Variants in PRKAG2 observed in about 807,000 individuals in gnomAD.
PRKAG2 encodes the protein protein kinase AMP-activated non-catalytic subunit gamma 2, also known as 5'-AMP-activated protein kinase subunit gamma-2.
PRKAG2 carries 26 observed loss-of-function variants against 69.6 expected under a neutral mutation model. That is an observed-to-expected ratio of 0.37 (90% CI 0.27 to 0.52). The LOEUF (loss-of-function observed/expected upper bound fraction) is 0.52, where lower values mean the gene tolerates loss of function less well. Among genes scored for constraint, PRKAG2 ranks in the 20% least tolerant of loss-of-function variants. PRKAG2 has a pLI of 0.90. For synonymous variants in PRKAG2, 293 were observed against 285.0 expected, an observed-to-expected ratio of 1.03 and a Z score of -0.28; for missense variants, 557 against 740.0, an observed-to-expected ratio of 0.75 and a Z score of 2.87.
intron 5 of PRKAG2, among the ~76,000 whole-genome samples, chr7:151,604,796 T>A (rs1467462721): frequency 2.0e-5 from 3 of 152,200 alleles, no homozygotes. Context: ...CTCGGGCTCC[T>A]CCTGGCTGCG....
chr7:151,764,402 T>G (rs73485915), intron 3 of PRKAG2, among the ~76,000 whole-genome samples: 10,255 of 152,160 alleles, frequency 0.067, 1,042 homozygotes, highest in African/African-American at 0.22. Flanking sequence ...GCTTTTTCAT[T>G]TTGCTATTTG....
At chr7:151,841,784 G>A (rs2079297845) in intron 1 of PRKAG2, among the ~76,000 whole-genome samples, 1 of 149,888 alleles carries the variant, frequency 6.7e-6, no homozygotes, top group Non-Finnish European at 1.5e-5. Flanking sequence ...AGTGATGATG[G>A]TAGTGATAGT....
chr7:151,694,011 A>C (rs1209076565), intron 3 of PRKAG2, among the ~76,000 whole-genome samples: 2 of 152,054 alleles, frequency 1.3e-5, no homozygotes, highest in Non-Finnish European at 2.9e-5. Flanking sequence ...AGCTGGGATT[A>C]CAGTTGCTCA....
chr7:151,558,425 A>T (rs1804239359), intron 15 of PRKAG2: 1 of 985,362 alleles, frequency 1.0e-6, no homozygotes, highest in African/African-American at 1.7e-5. Flanking sequence ...TTTCATAGCA[A>T]CATAGGAGGG....
rs542708975 is a variant in PRKAG2 at position 151,840,285 on chromosome 7, C to G, written c.114+36222G>C. 3.2e-4 allele frequency among the ~76,000 whole-genome samples: 49 copies of G among 152,270 alleles called. 1 individual carries two copies. The highest frequency in any genetic ancestry group is 1.1e-3 in the African/African-American group (47 of 41,546). ...CCATGCCCAGAATGCAACTGGCTGG[C>G]TAAGGTGCCTTCGAGGTTCCCCAGG... On this transcript the variant is annotated intron_variant, in intron 1 of 15. Transcript: ENST00000287878.
intron 1 of PRKAG2, among the ~76,000 whole-genome samples, chr7:151,831,290 G>A (rs977636573): frequency 1.4e-4 from 21 of 152,108 alleles, no homozygotes; most frequent in African/African-American, 4.6e-4. Context: ...GTACACAAAT[G>A]TTTATAGCAA....
At chr7:151,588,265 C>T in intron 6 of PRKAG2, among the ~76,000 whole-genome samples, 1 of 152,024 alleles carries the variant, frequency 6.6e-6, no homozygotes, top group Middle Eastern at 3.2e-3. Flanking sequence ...CCCATAATTC[C>T]CACGTGTCAT....
intron 3 of PRKAG2, among the ~76,000 whole-genome samples, chr7:151,761,521 G>A (rs1327320804): frequency 6.6e-6 from 1 of 152,094 alleles, no homozygotes; most frequent in Non-Finnish European, 1.5e-5. Flanking sequence ...AGGAGTCAGT[G>A]TCATTTTCCA....
At chr7:151,621,928 G>A (rs1436383301) in intron 5 of PRKAG2, among the ~76,000 whole-genome samples, 1 of 152,120 alleles carries the variant, frequency 6.6e-6, no homozygotes, top group African/African-American at 2.4e-5. Context: ...TAGTTAAGAA[G>A]CTTCTCTTCT....
chr7:151,562,820 A>AGGTAGGTGTGGT (rs370394516), intron 14 of PRKAG2, among the ~76,000 whole-genome samples: 4 of 150,732 alleles, frequency 2.7e-5, no homozygotes, highest in Non-Finnish European at 5.9e-5. Context: ...ACAAAAAATT[A>AGGTAGGTGTGGT]GGCGGGCGCC....
intron 3 of PRKAG2, among the ~76,000 whole-genome samples, chr7:151,713,685 C>T (rs1160180635): frequency 6.6e-6 from 1 of 151,252 alleles, no homozygotes; most frequent in African/African-American, 2.4e-5. Flanking sequence ...GCTCAAGTGA[C>T]CCTCCTGCCT....
At chr7:151,694,731 C>T (rs1836303649) in intron 3 of PRKAG2, among the ~76,000 whole-genome samples, 1 of 152,240 alleles carries the variant, frequency 6.6e-6, no homozygotes, top group South Asian at 2.1e-4. Context: ...TGCTATTGCT[C>T]TGTGTCTCCC....
chr7:151,855,412 A>ACACACAC (rs2079730537), intron 1 of PRKAG2, among the ~76,000 whole-genome samples: 1 of 31,406 alleles, frequency 3.2e-5, no homozygotes, highest in Non-Finnish European at 6.1e-5. Context: ...ACCACCCTCC[A>ACACACAC]CATACACCAT....
intron 3 of PRKAG2, among the ~76,000 whole-genome samples, chr7:151,740,871 C>T (rs756143056): frequency 4.6e-5 from 7 of 152,158 alleles, no homozygotes; most frequent in Admixed American, 3.3e-4. Context: ...CCAAACAAGC[C>T]GCGAAATCTA....
At chr7:151,662,169 G>A (rs1830413174) in intron 4 of PRKAG2, among the ~76,000 whole-genome samples, 1 of 152,204 alleles carries the variant, frequency 6.6e-6, no homozygotes, top group South Asian at 2.1e-4. Context: ...TCAGAGTCTT[G>A]ATTTGGTTGA....
intron 6 of PRKAG2, among the ~76,000 whole-genome samples, chr7:151,593,076 G>A (rs1044332147): frequency 6.6e-6 from 1 of 152,212 alleles, no homozygotes; most frequent in Non-Finnish European, 1.5e-5. Flanking sequence ...ACATCCATAA[G>A]GCATTGCATT....
In PRKAG2 at chr7:151,557,157, A is replaced by C. The variant is rs1312151413; in HGVS notation, c.*44T>G. On this transcript the variant is annotated 3_prime_UTR_variant, in exon 16 of 16. Transcript: ENST00000287878. ...TCATGAGGCAAAACGTGACCCAGAG[A>C]CTTTGTTCAAGTTCTCCTCCTAGGG... The C allele has an allele frequency of 3.1e-6, 5 of 1,613,908 alleles. No individual in the cohort carries two copies. The highest frequency in any genetic ancestry group is 4.2e-6 in the Non-Finnish European group (5 of 1,179,976).
At chr7:151,563,797 T>C (rs539470553) in intron 14 of PRKAG2, among the ~76,000 whole-genome samples, 1 of 152,356 alleles carries the variant, frequency 6.6e-6, no homozygotes, top group East Asian at 1.9e-4. Context: ...GTCCACACTG[T>C]CAAACATATA....
At chr7:151,757,253 C>T (rs1162010863) in intron 3 of PRKAG2, among the ~76,000 whole-genome samples, 4 of 152,164 alleles carry the variant, frequency 2.6e-5, no homozygotes, top group African/African-American at 9.7e-5. Flanking sequence ...TATGGGAAAA[C>T]AGACTTTTAT....
Sources: gnomAD v4.1 joint callset for allele counts (sites outside exome capture counted in the v4.1 genomes callset) on GRCh38, gnomAD v4.1.1 for gene constraint, MANE v1.5 for transcripts, NCBI Gene and HGNC (gene_info 2026-07-23, HGNC 2026-07-21) for gene names.